The following PXK variants were observed in gnomAD, a reference collection of about 807,000 sequenced individuals.
PXK encodes the protein PX domain-containing protein kinase-like protein.
Under a neutral mutation model 84.7 loss-of-function variants are expected in PXK, and 35 were observed. That is an observed-to-expected ratio of 0.41 (90% CI 0.32 to 0.55). The LOEUF is 0.55. Ranked by LOEUF, PXK falls within the 20% of genes least tolerant of loss-of-function variation. The pLI, the probability that PXK is intolerant of heterozygous loss-of-function variation, is 0.21. For missense variants in PXK, 634 were observed against 699.7 expected (o/e 0.91, Z 1.06); for synonymous variants, 253 against 260.8 (o/e 0.97, Z 0.29).
At chr3:58,368,051 G>A (rs2098302396) in intron 2 of PXK, among the ~76,000 whole-genome samples, 1 of 152,008 alleles carries the variant, frequency 6.6e-6, no homozygotes, top group Admixed American at 6.6e-5. Context: ...TGCCCAGACT[G>A]GTCTTTAACT....
At chr3:58,415,602 A>G (rs1352344173) in intron 17 of PXK, among the ~76,000 whole-genome samples, 2 of 152,210 alleles carry the variant, frequency 1.3e-5, no homozygotes, top group African/African-American at 4.8e-5. Context: ...ACGTCATTGG[A>G]TAGGCATGAT....
In PXK at chr3:58,354,640, G is replaced by A. The variant is rs185776297; in HGVS notation, c.103-11234G>A. Among the ~76,000 whole-genome samples, 503 of 152,014 alleles carry A rather than the reference G, an allele frequency of 3.3e-3. 4 individuals carry two copies. Among genetic ancestry groups the A allele is most frequent in the African/African-American group, 0.011 (445 of 41,488 alleles). On this transcript the variant is annotated intron_variant, in intron 1 of 17. Coordinates refer to ENST00000356151, the MANE Select transcript of PXK (RefSeq NM_017771.5). The stretch of plus-strand genomic sequence containing the variant: ...TTTTTTGTATCTTCAGTAGAGATGG[G>A]GGTTTCATCATGTTGGCCAGGTTGG...
In PXK at chr3:58,408,992, A is replaced by G. The variant is rs1269136595; in HGVS notation, c.1299A>G (p.Glu433=). Residue 433 remains glutamate (E), a synonymous_variant, in exon 14 of 18, where the codon GAA becomes GAG. Coordinates refer to ENST00000356151, the MANE Select transcript of PXK (RefSeq NM_017771.5). ...KECIEKRLIE[E]QKQIHQHRRL... ...GTATAGAGAAGAGACTAATTGAGGA[A>G]CAGAAACAGGTAAATTGATAACGGT... 1 of 1,580,644 alleles carries G rather than the reference A, an allele frequency of 6.3e-7. No homozygotes were observed. The highest frequency in any genetic ancestry group is 8.7e-7 in the Non-Finnish European group (1 of 1,150,102).
In PXK at chr3:58,398,526, A is replaced by G. The variant is rs1170689722; in HGVS notation, c.1103-773A>G. On this transcript the variant is annotated intron_variant, in intron 11 of 17. Coordinates refer to ENST00000356151, the MANE Select transcript of PXK (RefSeq NM_017771.5). The surrounding 1 kb of genome is among the most constrained non-coding windows in gnomAD (Gnocchi z 4.5). ...GCAGACACCAAGACAAATTGGATCCAGGAGCTCTTACAGCATTACCTGCGG... is the reference window on the plus strand; with the variant it reads ...GCAGACACCAAGACAAATTGGATCCGGGAGCTCTTACAGCATTACCTGCGG... Among the ~76,000 whole-genome samples the G allele has an allele frequency of 6.6e-6, 1 of 152,226 alleles. No homozygotes were observed. Among genetic ancestry groups the G allele is most frequent in the Admixed American group, 6.5e-5 (1 of 15,288 alleles).
At chr3:58,348,052 C>T (rs999880798) in intron 1 of PXK, among the ~76,000 whole-genome samples, 3 of 151,966 alleles carry the variant, frequency 2.0e-5, no homozygotes, top group Admixed American at 1.3e-4. Context: ...GGACTACAGG[C>T]GCGTGAGACC....
intron 9 of PXK, 89 bp from the exon 10 acceptor site, chr3:58,396,950 C>T: frequency 7.2e-7 from 1 of 1,392,342 alleles, no homozygotes; most frequent in Non-Finnish European, 9.8e-7. Context: ...GGTTTTGTTT[C>T]AAAATATATT....
chr3:58,369,410 A>T (rs754709973), intron 2 of PXK, 21 bp from the exon 3 acceptor site: 1 of 1,591,796 alleles, frequency 6.3e-7, no homozygotes, highest in East Asian at 2.2e-5. Context: ...GAATCAAAAC[A>T]CTACTTCTTG....
In PXK at chr3:58,333,729, T is replaced by G. The variant is rs2097539029; in HGVS notation, c.102+639T>G. 1 of 433,350 alleles carries G rather than the reference T, an allele frequency of 2.3e-6. No homozygotes were observed. The highest frequency in any genetic ancestry group is 2.5e-5 in the Admixed American group (1 of 39,882). 26.8% of individuals were successfully genotyped at this position (433,350 alleles called of 1,614,324 possible). ...CTCTAACTTGCTCTTTAGTGGGCAG[T>G]GGTAGCATTCATTTGAGTTTAAAAT... On this transcript the variant is annotated intron_variant, in intron 1 of 17. Coordinates refer to ENST00000356151, the MANE Select transcript of PXK (RefSeq NM_017771.5). The surrounding 1 kb of genome is among the most constrained non-coding windows in gnomAD (Gnocchi z 5.4).
At chr3:58,334,977 G>A (rs2097564412) in intron 1 of PXK, among the ~76,000 whole-genome samples, 1 of 147,086 alleles carries the variant, frequency 6.8e-6, no homozygotes, top group Non-Finnish European at 1.5e-5. Context: ...GTGTGTGTGT[G>A]TGTGTGTGTA....
In PXK at chr3:58,409,186, A is replaced by G. The variant is rs1378596007; in HGVS notation, c.1308+185A>G. ...GACAGTCCTGCCCTCAGTCCTGCCTAGTCTATGTGGGAAACAAACATGTCC... is the reference window on the plus strand; with the variant it reads ...GACAGTCCTGCCCTCAGTCCTGCCTGGTCTATGTGGGAAACAAACATGTCC... On this transcript the variant is annotated intron_variant, in intron 14 of 17. Coordinates refer to ENST00000356151, the MANE Select transcript of PXK (RefSeq NM_017771.5). The surrounding 1 kb of genome is among the most constrained non-coding windows in gnomAD (Gnocchi z 4.2). Among the ~76,000 whole-genome samples the G allele has an allele frequency of 6.6e-6, 1 of 152,154 alleles. No homozygotes were observed. Among genetic ancestry groups the G allele is most frequent in the African/African-American group, 2.4e-5 (1 of 41,438 alleles).
Position 58,364,680 on chromosome 3 carries a change from C to T in PXK, c.103-1194C>T, listed in dbSNP as rs2098243877. Among the ~76,000 whole-genome samples, 1 of 151,844 alleles carries T rather than the reference C, an allele frequency of 6.6e-6. No homozygotes were observed. The highest frequency in any genetic ancestry group is 2.4e-5 in the African/African-American group (1 of 41,322). On this transcript the variant is annotated intron_variant, in intron 1 of 17. Coordinates refer to ENST00000356151, the MANE Select transcript of PXK (RefSeq NM_017771.5). This position sits in a 1 kb window ranked among gnomAD's most constrained non-coding sequence, Gnocchi z 4.3. ...TGAGCTGAGATCGTGCCACTGCACT[C>T]CAGCCTGGGTGACAGAGTGAGACTC...
intron 4 of PXK, among the ~76,000 whole-genome samples, chr3:58,387,407 G>A (rs187864451): frequency 6.6e-6 from 1 of 152,338 alleles, no homozygotes; most frequent in East Asian, 1.9e-4. Flanking sequence ...CATGTGCTAT[G>A]TATGCAGCCA....
chr3:58,341,066 C>T (rs532763279), intron 1 of PXK, among the ~76,000 whole-genome samples: 3 of 151,894 alleles, frequency 2.0e-5, no homozygotes, highest in African/African-American at 7.2e-5. Context: ...AAAGTTGACT[C>T]CTCTTCAGAA....
At chr3:58,420,560 G>A in intron 17 of PXK, 2 of 1,535,996 alleles carry the variant, frequency 1.3e-6, no homozygotes, top group Non-Finnish European at 1.7e-6. Flanking sequence ...TTTTGAACGT[G>A]AATTTTCGGT....
Position 58,335,120 on chromosome 3 carries a change from C to T in PXK, c.102+2030C>T, listed in dbSNP as rs536635683. ...GGAACGCCTGGGCTCAGGCCGTTCT[C>T]CTGCCTCAGCCCCACAAAGTGCTGG... On this transcript the variant is annotated intron_variant, in intron 1 of 17. Transcript: ENST00000356151. Among the ~76,000 whole-genome samples, 123 of 151,736 alleles carry T rather than the reference C, an allele frequency of 8.1e-4. 1 individual carries two copies. Among genetic ancestry groups the T allele is most frequent in the Non-Finnish European group, 1.1e-3 (74 of 67,982 alleles).
intron 7 of PXK, among the ~76,000 whole-genome samples, chr3:58,393,501 A>G (rs1236987586): frequency 1.3e-5 from 2 of 152,142 alleles, no homozygotes; most frequent in Non-Finnish European, 2.9e-5. Context: ...TTTTTCATTA[A>G]TGGTGTACCA....
chr3:58,409,576 A>G lies in PXK; in HGVS notation c.1353A>G (p.Gly451=), dbSNP rs138821210. 58 of 1,613,336 alleles carry G rather than the reference A, an allele frequency of 3.6e-5. No homozygotes were observed. Among genetic ancestry groups the G allele is most frequent in the African/African-American group, 1.7e-4 (13 of 74,930 alleles). The change falls in exon 15 of 18, where the codon GGA becomes GGG. Residue 451 remains glycine, a synonymous_variant. Transcript: ENST00000356151. This position sits in a 1 kb window ranked among gnomAD's most constrained non-coding sequence, Gnocchi z 4.2. ...TGACAAGAGCTCAGTCCCACCATGGATCTGAGGAGGAAAGAAAAAAAAGAA... is the reference window on the plus strand; with the variant it reads ...TGACAAGAGCTCAGTCCCACCATGGGTCTGAGGAGGAAAGAAAAAAAAGAA... ...RRLTRAQSHH[G]SEEERKKRKI...
intron 13 of PXK, among the ~76,000 whole-genome samples, chr3:58,406,022 T>A (rs772496368): frequency 2.0e-5 from 3 of 151,916 alleles, no homozygotes; most frequent in Non-Finnish European, 4.4e-5. Flanking sequence ...CAGGCTGGAG[T>A]ACAATGGCAT....
At chr3:58,354,378 G>A (rs2098017784) in intron 1 of PXK, among the ~76,000 whole-genome samples, 1 of 151,972 alleles carries the variant, frequency 6.6e-6, no homozygotes. Flanking sequence ...GGTTTGGTTG[G>A]TGGTTGCGTC....
Sources: allele counts gnomAD v4.1 joint callset (sites outside exome capture counted in the v4.1 genomes callset), GRCh38; gene constraint gnomAD v4.1.1; non-coding constraint Gnocchi (gnomAD v3.1); transcripts MANE v1.5; gene names NCBI Gene and HGNC (gene_info 2026-07-23, HGNC 2026-07-21).